The following BTBD9 variants were observed in gnomAD, a reference collection of about 807,000 sequenced individuals.
BTBD9 encodes the protein BTB domain containing 9.
In BTBD9, 49 loss-of-function variants were observed where a neutral mutation model predicts 64.3. That is an observed-to-expected ratio of 0.76 (90% confidence interval 0.61 to 0.97). The LOEUF is 0.97. BTBD9 is among the 50% of genes least tolerant of loss of function. The pLI is 0.00. For missense variants in BTBD9, 598 were observed against 762.1 expected, an observed-to-expected ratio of 0.78 and a Z score of 2.53; for synonymous variants, 260 against 274.7, an observed-to-expected ratio of 0.95 and a Z score of 0.53.
At chr6:38,436,986 T>A (rs1582428336) in intron 6 of BTBD9, among the ~76,000 whole-genome samples, 1 of 152,250 alleles carries the variant, frequency 6.6e-6, no homozygotes, top group East Asian at 1.9e-4. Context: ...CTTTCTGTGA[T>A]ATCTAAAGCA....
intron 4 of BTBD9, among the ~76,000 whole-genome samples, chr6:38,583,244 T>A (rs1317585677): frequency 6.6e-6 from 1 of 152,128 alleles, no homozygotes; most frequent in Admixed American, 6.5e-5. Context: ...ATGCCTATAA[T>A]CCCAGCAGTC....
At position 38,343,536 on chromosome 6, in the gene BTBD9, C is replaced by T. The variant is rs138447581; in HGVS notation, c.1264+1448G>A. ...CTACACAGTCAGATATACAGTGAGGCCTACAGTCTATGGAAGAGCCTGGAC... is the reference window on the plus strand; with the variant it reads ...CTACACAGTCAGATATACAGTGAGGTCTACAGTCTATGGAAGAGCCTGGAC... On this transcript the variant is annotated intron_variant, in intron 7 of 10. Coordinates refer to ENST00000481247, the MANE Select transcript of BTBD9 (RefSeq NM_001099272.2). Among the ~76,000 whole-genome samples, 6 of 152,162 alleles carry T rather than the reference C, an allele frequency of 3.9e-5. No individual in the cohort carries two copies. The East Asian group carries it at 5.8e-4, about 15-fold the overall frequency.
At chr6:38,244,581 C>T (rs1418270766) in intron 9 of BTBD9, among the ~76,000 whole-genome samples, 2 of 151,926 alleles carry the variant, frequency 1.3e-5, no homozygotes, top group Non-Finnish European at 2.9e-5. Flanking sequence ...CTGAAAGGGG[C>T]ACAGCTGGAA....
chr6:38,504,244 T>G (rs1167671580), intron 6 of BTBD9, among the ~76,000 whole-genome samples: 1 of 152,196 alleles, frequency 6.6e-6, no homozygotes, highest in African/African-American at 2.4e-5. Context: ...GGACTTCATT[T>G]CAAATGCAAC....
intron 6 of BTBD9, among the ~76,000 whole-genome samples, chr6:38,461,765 T>C (rs1251465601): frequency 6.6e-6 from 1 of 152,244 alleles, no homozygotes; most frequent in Non-Finnish European, 1.5e-5. Flanking sequence ...GGTTATACCA[T>C]TTTAGATTCC....
chr6:38,206,484 A>G (rs1281418899), intron 9 of BTBD9, among the ~76,000 whole-genome samples: 1 of 151,516 alleles, frequency 6.6e-6, no homozygotes, highest in Admixed American at 6.6e-5. Flanking sequence ...CACGTGATCC[A>G]CCTGCCTCAG....
rs546887055 is a variant in BTBD9 at position 38,614,990 on chromosome 6, G to GA, written c.-27-16870dup. Reference sequence around the variant, plus strand: ...CGGCTCTTATCGTAAAAGAAGCACAGAAAAAAACGTTTAACTGGGCCTTCA... The same window carrying GA: ...CGGCTCTTATCGTAAAAGAAGCACAGAAAAAAAACGTTTAACTGGGCCTTCA... On this transcript the variant is annotated intron_variant, in intron 1 of 10. Coordinates refer to ENST00000481247, the MANE Select transcript of BTBD9 (RefSeq NM_001099272.2). Among the ~76,000 whole-genome samples the GA allele has an allele frequency of 1.0e-3, 154 of 152,238 alleles. 4 individuals carry two copies. In the East Asian group the frequency reaches 0.019, roughly 19 times the overall value.
At chr6:38,238,058 T>C (rs1264969532) in intron 9 of BTBD9, among the ~76,000 whole-genome samples, 3 of 152,216 alleles carry the variant, frequency 2.0e-5, no homozygotes, top group African/African-American at 7.2e-5. Context: ...AGCAGGAGGA[T>C]TGCCGGAGGC....
At chr6:38,517,786 A>C (rs1395870671) in intron 6 of BTBD9, among the ~76,000 whole-genome samples, 1 of 152,150 alleles carries the variant, frequency 6.6e-6, no homozygotes, top group Admixed American at 6.5e-5. Flanking sequence ...GTAAAGCAAA[A>C]GCTAGCTGGC....
chr6:38,622,039 G>A (rs546946993), intron 1 of BTBD9, among the ~76,000 whole-genome samples: 1 of 152,266 alleles, frequency 6.6e-6, no homozygotes, highest in East Asian at 1.9e-4. Context: ...GCCAGCCAGT[G>A]GAAAATACTT....
At chr6:38,635,236 A>T (rs931231991) in intron 1 of BTBD9, among the ~76,000 whole-genome samples, 10 of 152,030 alleles carry the variant, frequency 6.6e-5, no homozygotes, top group Non-Finnish European at 1.2e-4. Flanking sequence ...CCTGGGTTCA[A>T]GCGATTCTCT....
chr6:38,483,652 C>T (rs147606615), intron 6 of BTBD9, among the ~76,000 whole-genome samples: 3 of 152,278 alleles, frequency 2.0e-5, no homozygotes, highest in Non-Finnish European at 4.4e-5. Context: ...ACCCTACAGA[C>T]TATCTACCCA....
chr6:38,250,869 G>A (rs937195438), intron 9 of BTBD9, among the ~76,000 whole-genome samples: 6 of 150,624 alleles, frequency 4.0e-5, no homozygotes, highest in African/African-American at 1.2e-4. Flanking sequence ...TCAGGAGTTC[G>A]AGACTAGCCT....
At chr6:38,587,707 G>A in intron 4 of BTBD9, 3 of 641,742 alleles carry the variant, frequency 4.7e-6, no homozygotes, top group South Asian at 4.4e-5. Flanking sequence ...GGAACCACCT[G>A]GAAAACCAGG....
intron 6 of BTBD9, among the ~76,000 whole-genome samples, chr6:38,522,391 A>G (rs762569542): frequency 2.0e-4 from 28 of 142,262 alleles, no homozygotes; most frequent in Non-Finnish European, 4.2e-4. Context: ...ACTTCACTTA[A>G]TAAGATTACT....
At chr6:38,412,086 A>G (rs1442886351) in intron 6 of BTBD9, among the ~76,000 whole-genome samples, 3 of 152,168 alleles carry the variant, frequency 2.0e-5, no homozygotes, top group Non-Finnish European at 4.4e-5. Context: ...CTCATCATCC[A>G]GATGCAAAAA....
intron 7 of BTBD9, among the ~76,000 whole-genome samples, chr6:38,321,341 G>T (rs1763224023): frequency 6.6e-6 from 1 of 152,146 alleles, no homozygotes. Context: ...AGAAGGAAAG[G>T]TACCCTACAG....
chr6:38,287,109 T>TACAC (rs70981534), intron 8 of BTBD9, among the ~76,000 whole-genome samples: 4,283 of 87,050 alleles, frequency 0.049, 160 homozygotes, highest in African/African-American at 0.094. Flanking sequence ...AAAAAAAATA[T>TACAC]ACACACACAC....
At chr6:38,518,736 CT>C (rs1264331986) in intron 6 of BTBD9, among the ~76,000 whole-genome samples, 1 of 152,156 alleles carries the variant, frequency 6.6e-6, no homozygotes, top group Non-Finnish European at 1.5e-5. Flanking sequence ...TCACAGTTTC[CT>C]CTTATTTGTA....
Sources: allele counts gnomAD v4.1 joint callset (sites outside exome capture counted in the v4.1 genomes callset), GRCh38; gene constraint gnomAD v4.1.1; transcripts MANE v1.5; gene names NCBI Gene and HGNC (gene_info 2026-07-23, HGNC 2026-07-21).